Variants in FRY observed in about 807,000 individuals in gnomAD.
The protein encoded by FRY is protein furry homolog.
FRY carries 128 observed loss-of-function variants against 348.4 expected under a neutral mutation model. That is an observed-to-expected ratio of 0.37 (90% CI 0.32 to 0.43). The LOEUF is 0.43. Ranked by LOEUF, FRY falls within the 20% of genes least tolerant of loss-of-function variation. FRY has a pLI of 1.00. For synonymous variants in FRY, 1,370 were observed against 1,374.7 expected (o/e 1.00, Z 0.08); for missense variants, 2,736 against 3,695.2 (o/e 0.74, Z 6.73).
Position 32,043,400 on chromosome 13 carries a change from G to T in FRY, c.70+11535G>T, listed in dbSNP as rs1247292582. On this transcript the variant is annotated intron_variant, in intron 1 of 60. Coordinates refer to ENST00000542859, the MANE Select transcript of FRY (RefSeq NM_023037.3). Reference sequence around the variant, plus strand: ...CATTGCATTAAGGGCAATAATAATAGCTGATCTTTATAAGCACTTATGAAG... The same window carrying T: ...CATTGCATTAAGGGCAATAATAATATCTGATCTTTATAAGCACTTATGAAG... 2.6e-5 allele frequency among the ~76,000 whole-genome samples: 4 copies of T among 152,300 alleles called. No homozygotes were observed. The East Asian group carries it at 7.7e-4, about 29-fold the overall frequency.
At chr13:32,170,785 C>T (rs1425434932) in intron 17 of FRY, among the ~76,000 whole-genome samples, 2 of 152,190 alleles carry the variant, frequency 1.3e-5, no homozygotes, top group African/African-American at 4.8e-5. Flanking sequence ...AATCCACCTG[C>T]CTCAGCCTCC....
At chr13:32,256,357 G>A (rs905821908) in intron 51 of FRY, among the ~76,000 whole-genome samples, 1 of 152,070 alleles carries the variant, frequency 6.6e-6, no homozygotes, top group African/African-American at 2.4e-5. Context: ...GGGCAACAGA[G>A]CAAGACCCTG....
chr13:32,154,705 G>C (rs9567301), intron 14 of FRY, among the ~76,000 whole-genome samples: 1 of 152,156 alleles, frequency 6.6e-6, no homozygotes, highest in South Asian at 2.1e-4. Flanking sequence ...TTCTTCCATA[G>C]GTAGTAGTAT....
chr13:32,213,495 A>G (rs1181000576), intron 35 of FRY, among the ~76,000 whole-genome samples: 1 of 152,200 alleles, frequency 6.6e-6, no homozygotes, highest in Non-Finnish European at 1.5e-5. Context: ...AAAGCCTTTT[A>G]TTTCTTTCTC....
At chr13:32,189,331 C>CA (rs1427422471) in intron 28 of FRY, among the ~76,000 whole-genome samples, 1 of 151,978 alleles carries the variant, frequency 6.6e-6, no homozygotes, top group South Asian at 2.1e-4. Context: ...TATTTTGGTG[C>CA]AAAAAATTTT....
intron 40 of FRY, among the ~76,000 whole-genome samples, chr13:32,229,469 T>C (rs1885790627): frequency 6.6e-6 from 1 of 152,220 alleles, no homozygotes; most frequent in East Asian, 1.9e-4. Context: ...AATTCATGAT[T>C]CAGGTTATTT....
chr13:32,240,126 T>C (rs17077315), intron 46 of FRY, among the ~76,000 whole-genome samples: 3,709 of 152,326 alleles, frequency 0.024, 155 homozygotes, highest in African/African-American at 0.084. Context: ...TTCCATATAG[T>C]GTGTGCCTAT....
At chr13:32,064,859 C>T (rs1321233265) in intron 1 of FRY, among the ~76,000 whole-genome samples, 1 of 152,190 alleles carries the variant, frequency 6.6e-6, no homozygotes. Flanking sequence ...TGATCACACT[C>T]ATAGTCTTTT....
At chr13:32,117,247 A>G in intron 3 of FRY, 87 bp from the exon 4 acceptor site, 1 of 1,165,982 alleles carries the variant, frequency 8.6e-7, no homozygotes, top group South Asian at 1.3e-5. Context: ...TTTAGTGAGT[A>G]GTGCTTGGGG....
chr13:32,262,871 T>C (rs1166564351), intron 53 of FRY, among the ~76,000 whole-genome samples: 3 of 152,192 alleles, frequency 2.0e-5, no homozygotes, highest in Non-Finnish European at 4.4e-5. Context: ...TTTGGGGAAT[T>C]TTTTCCTTTG....
chr13:32,089,785 A>G (rs536019122), intron 2 of FRY, among the ~76,000 whole-genome samples: 1 of 150,836 alleles, frequency 6.6e-6, no homozygotes, highest in African/African-American at 2.5e-5. Context: ...AAGAAGAAGG[A>G]ATGTCTAAGA....
chr13:32,238,104 G>C, intron 44 of FRY, 118 bp downstream of exon 44: 1 of 1,080,036 alleles, frequency 9.3e-7, no homozygotes, highest in Non-Finnish European at 1.4e-6. Context: ...ATGGTTCCTT[G>C]GGAGTAGTTT....
In FRY at chr13:32,249,373, T is replaced by C. The variant is rs145340653; in HGVS notation, c.7009-153T>C. 7.8e-4 allele frequency among the ~76,000 whole-genome samples: 119 copies of C among 152,306 alleles called. 2 individuals are homozygous for C. The Middle Eastern group carries it at 0.01, about 13-fold the overall frequency. On this transcript the variant is annotated intron_variant, in intron 48 of 60. Coordinates refer to ENST00000542859, the MANE Select transcript of FRY (RefSeq NM_023037.3). ...TGAAAAACGACTCATAATGTGTACT[T>C]GCATGTTGAGAAAATGAGCCCACTT...
At chr13:32,198,908 G>A (rs940802814) in intron 29 of FRY, among the ~76,000 whole-genome samples, 1 of 152,156 alleles carries the variant, frequency 6.6e-6, no homozygotes, top group African/African-American at 2.4e-5. Flanking sequence ...TGTGCCCTTT[G>A]ACCCTGCATG....
Position 32,134,927 on chromosome 13 carries a change from G to T in FRY, c.909G>T (p.Glu303Asp). 1 of 1,611,672 alleles carries T rather than the reference G, an allele frequency of 6.2e-7. No individual in the cohort carries two copies. The highest frequency in any genetic ancestry group is 1.1e-5 in the South Asian group (1 of 91,030). ...FMQECAHYFL[E>D]VKDKDIKHAL... ...AGGAATGTGCACATTACTTCCTCGA[G>T]GTCAAAGACAAAGATATCAAGCATG... The change falls in exon 9 of 61, where the codon GAG (glutamate) becomes GAT (aspartate). Residue 303 changes from glutamate to aspartate, a missense_variant. By Grantham distance (45) the Glu-to-Asp change is conservative (BLOSUM62 2). Around this residue, in one of 9 missense-constraint regions of FRY, gnomAD observed 309 missense variants for 418.1 expected, o/e 0.74. Coordinates refer to ENST00000542859, the MANE Select transcript of FRY (RefSeq NM_023037.3).
At position 32,185,010 on chromosome 13, in the gene FRY, C is replaced by A. The variant is rs745662126; in HGVS notation, c.3181C>A (p.Leu1061Met). 1.2e-6 allele frequency: 2 copies of A among 1,613,832 alleles called. No homozygotes were observed. Among genetic ancestry groups the A allele is most frequent in the African/African-American group, 2.7e-5 (2 of 74,870 alleles). Residue 1061 changes from leucine (L) to methionine (M), a missense_variant, in exon 26 of 61, where the codon CTG becomes ATG. Physicochemically the swap from Leu to Met is conservative, Grantham distance 15. Coordinates refer to ENST00000542859, the MANE Select transcript of FRY (RefSeq NM_023037.3). ...AGCCCTAGAGCGGGATACTTTAGCC[C>A]TGGGAGCTTTGTTCTTAGAATATGT... ...NGALERDTLA[L>M]GALFLEYVDL...
In FRY at chr13:32,294,211, AC is replaced by A. The variant is rs1238403795; in HGVS notation, c.8581-156del. On this transcript the variant is annotated intron_variant, in intron 59 of 60. Transcript: ENST00000542859. ...TGCATCCAACTCCACAATCCCCTACACATACCATGGAGTACAATGTCATCTA... is the reference window on the plus strand; with the variant it reads ...TGCATCCAACTCCACAATCCCCTACAATACCATGGAGTACAATGTCATCTA... Among the ~76,000 whole-genome samples, 21 of 152,340 alleles carry A rather than the reference AC, an allele frequency of 1.4e-4. 1 individual carries two copies. The South Asian group carries it at 4.3e-3, about 32-fold the overall frequency.
intron 20 of FRY, among the ~76,000 whole-genome samples, chr13:32,176,205 C>T (rs1269478211): frequency 1.3e-5 from 2 of 152,162 alleles, no homozygotes; most frequent in African/African-American, 4.8e-5. Flanking sequence ...TTTAAAAGCA[C>T]ATTGGCAACT....
At chr13:32,244,263 A>T (rs1359573321) in intron 47 of FRY, 81 bp downstream of exon 47, 7 of 1,299,698 alleles carry the variant, frequency 5.4e-6, no homozygotes, top group African/African-American at 4.4e-5. Context: ...CTACAAAACC[A>T]TCTGGGTGCC....
Sources: allele counts gnomAD v4.1 joint callset (sites outside exome capture counted in the v4.1 genomes callset), GRCh38; gene constraint gnomAD v4.1.1; regional missense constraint gnomAD v4.1.1; transcripts MANE v1.5; gene names NCBI Gene and HGNC (gene_info 2026-07-23, HGNC 2026-07-21).